Variants in KDM6A observed in about 807,000 individuals in gnomAD.
KDM6A encodes the protein lysine demethylase 6A.
KDM6A carries 11 observed loss-of-function variants against 117.6 expected under a neutral mutation model. The ratio of observed to expected loss-of-function variants is 0.09; its 90% CI spans 0.06 to 0.15. The LOEUF (loss-of-function observed/expected upper bound fraction) is 0.15. KDM6A is among the 10% of genes least tolerant of loss of function. The pLI is 1.00. For synonymous variants in KDM6A, 384 were observed against 396.1 expected, an observed-to-expected ratio of 0.97 and a Z score of 0.36; for missense variants, 799 against 1,077.3, an observed-to-expected ratio of 0.74 and a Z score of 3.62.
chrX:44,985,996 C>T, intron 4 of KDM6A, among the ~76,000 whole-genome samples: 2 of 111,879 alleles, frequency 1.8e-5, no homozygotes, highest in Admixed American at 1.9e-4. Flanking sequence ...ACCAGCTCGT[C>T]CTTGTACCTC....
intron 2 of KDM6A, among the ~76,000 whole-genome samples, chrX:44,945,946 A>G (rs1170450546): frequency 3.6e-5 from 4 of 112,345 alleles, no homozygotes; most frequent in Non-Finnish European, 7.5e-5. Context: ...AGACTGGAGC[A>G]GGGCTACCAC....
intron 4 of KDM6A, among the ~76,000 whole-genome samples, chrX:44,981,433 C>T (rs984452787): frequency 9.0e-6 from 1 of 111,715 alleles, no homozygotes; most frequent in Non-Finnish European, 1.9e-5. Context: ...TGGCATGGAG[C>T]CTCCATGCCC....
chrX:44,877,037 A>G lies in KDM6A; in HGVS notation c.225+3050A>G, dbSNP rs192941911. Among the ~76,000 whole-genome samples, 214 of 112,452 alleles carry G rather than the reference A, an allele frequency of 1.9e-3. 1 individual carries two copies. The highest frequency in any genetic ancestry group is 6.7e-3 in the African/African-American group (210 of 31,206). ...TACGTGTATACATATATACATGTAT[A>G]TACATACGTATGTATATGCGTATAC... is the stretch of plus-strand genomic sequence containing the variant. On this transcript the variant is annotated intron_variant, in intron 2 of 29. Transcript: ENST00000611820.
At chrX:45,031,619 A>G (rs954654762) in intron 6 of KDM6A, among the ~76,000 whole-genome samples, 6 of 112,100 alleles carry the variant, frequency 5.4e-5, no homozygotes, top group Non-Finnish European at 9.4e-5. Context: ...CATTGCTCCA[A>G]ATTAATAACT....
intron 6 of KDM6A, among the ~76,000 whole-genome samples, chrX:45,032,638 A>G (rs2042646746): frequency 9.0e-6 from 1 of 110,928 alleles, no homozygotes; most frequent in East Asian, 2.8e-4. Context: ...TTTAGTAGAG[A>G]TGGGGTTTCA....
intron 2 of KDM6A, among the ~76,000 whole-genome samples, chrX:44,936,004 TCTGTAAC>T (rs1163590660): frequency 8.9e-6 from 1 of 112,283 alleles, no homozygotes; most frequent in Non-Finnish European, 1.9e-5. Context: ...TCCTGTGGCT[TCTGTAAC>T]AGATAACTAT....
At chrX:44,900,815 G>C (rs1175052992) in intron 2 of KDM6A, among the ~76,000 whole-genome samples, 2 of 111,139 alleles carry the variant, frequency 1.8e-5, no homozygotes, top group African/African-American at 3.3e-5. Flanking sequence ...GAGAATCACC[G>C]GAACCTGGGA....
Position 44,879,788 on chromosome X carries a change from T to A in KDM6A, c.225+5801T>A, listed in dbSNP as rs1179835120. 5.4e-5 allele frequency among the ~76,000 whole-genome samples: 6 copies of A among 112,140 alleles called. No individual in the cohort carries two copies. In the South Asian group the frequency reaches 2.2e-3, roughly 41 times the overall value. On this transcript the variant is annotated intron_variant, in intron 2 of 29. Transcript: ENST00000611820. ...GAATGGCTCTTAAAGATGGGGATTG[T>A]TTGTTGATTGTGTTTCTTGGAGATG...
intron 2 of KDM6A, among the ~76,000 whole-genome samples, chrX:44,889,123 C>A (rs766629520): frequency 1.8e-5 from 2 of 112,123 alleles, no homozygotes; most frequent in South Asian, 7.3e-4. Flanking sequence ...TCAAGCGATT[C>A]TCTCACTTCA....
chrX:44,892,812 G>C (rs1484806728), intron 2 of KDM6A, among the ~76,000 whole-genome samples: 1 of 109,740 alleles, frequency 9.1e-6, no homozygotes, highest in Non-Finnish European at 1.9e-5. Flanking sequence ...AGAGCAGCCT[G>C]GACAATATGG....
chrX:44,941,113 A>C (rs2037291461), intron 2 of KDM6A, among the ~76,000 whole-genome samples: 1 of 111,998 alleles, frequency 8.9e-6, no homozygotes, highest in Non-Finnish European at 1.9e-5. Flanking sequence ...TTTATTGAGG[A>C]TATTATTAAA....
At chrX:44,880,656 G>C (rs369607366) in intron 2 of KDM6A, among the ~76,000 whole-genome samples, 2 of 109,620 alleles carry the variant, frequency 1.8e-5, no homozygotes. Context: ...GCCAGGCGTG[G>C]TGGTGGGCGC....
chrX:44,885,609 G>A (rs2032786024), intron 2 of KDM6A, among the ~76,000 whole-genome samples: 1 of 110,328 alleles, frequency 9.1e-6, no homozygotes, highest in South Asian at 3.9e-4. Context: ...GGTGGCTCAC[G>A]CCTGTGATCC....
At chrX:45,110,046 C>T (rs2148304051) in intron 28 of KDM6A, 33 bp from the exon 29 acceptor site, 1 of 1,159,197 alleles carries the variant, frequency 8.6e-7, no homozygotes, top group Non-Finnish European at 1.2e-6. Flanking sequence ...ACCACTATCT[C>T]TATTGAATAC....
Position 44,879,364 on chromosome X carries a change from C to T in KDM6A, c.225+5377C>T, listed in dbSNP as rs372443241. Among the ~76,000 whole-genome samples, 8 of 111,762 alleles carry T rather than the reference C, an allele frequency of 7.2e-5. No homozygotes were observed. In the East Asian group the frequency reaches 2.2e-3, roughly 31 times the overall value. ...CTAATTTATGTTAAGAAAACACTAC[C>T]AGCTTGTCTAAGAATTGAAATGGTG... On this transcript the variant is annotated intron_variant, in intron 2 of 29. Transcript: ENST00000611820.
intron 2 of KDM6A, among the ~76,000 whole-genome samples, chrX:44,876,991 G>A (rs760233708): frequency 4.6e-5 from 5 of 109,666 alleles, no homozygotes; most frequent in South Asian, 3.6e-4. Flanking sequence ...ACACGTATAC[G>A]CATACGTATA....
intron 2 of KDM6A, among the ~76,000 whole-genome samples, chrX:44,947,462 G>A (rs1019540894): frequency 3.7e-5 from 4 of 106,704 alleles, no homozygotes; most frequent in Admixed American, 2.0e-4. Context: ...TGCAAGCTCC[G>A]CCTCCCGGGT....
intron 18 of KDM6A, among the ~76,000 whole-genome samples, chrX:45,072,333 G>A (rs1421483702): frequency 9.0e-6 from 1 of 111,193 alleles, no homozygotes; most frequent in Non-Finnish European, 1.9e-5. Flanking sequence ...AGAGGACATT[G>A]GATGATCTCT....
intron 27 of KDM6A, among the ~76,000 whole-genome samples, chrX:45,096,357 TGTTTA>T (rs749543096): frequency 1.5e-4 from 17 of 111,928 alleles, no homozygotes; most frequent in Non-Finnish European, 1.1e-4. Context: ...ATTCAGTGAA[TGTTTA>T]TTGTGTACTG....
Sources: allele counts gnomAD v4.1 joint callset (sites outside exome capture counted in the v4.1 genomes callset), GRCh38; gene constraint gnomAD v4.1.1; transcripts MANE v1.5; gene names NCBI Gene and HGNC (gene_info 2026-07-23, HGNC 2026-07-21).